Variants in MBOAT1 observed in about 807,000 individuals in gnomAD.
MBOAT1 encodes membrane bound glycerophospholipid O-acyltransferase 1.
MBOAT1 carries 67 observed loss-of-function variants against 64.4 expected under a neutral mutation model. The ratio of observed to expected loss-of-function variants is 1.04; its 90% CI spans 0.85 to 1.27. The LOEUF (loss-of-function observed/expected upper bound fraction) is 1.27. Ranked by LOEUF, MBOAT1 falls within the 50% of genes most tolerant of loss-of-function variation. The probability of loss-of-function intolerance (pLI) is 0.00; values close to 1 mark genes in which losing one functional copy is unlikely to be tolerated. For missense variants in MBOAT1, 563 were observed against 604.6 expected, an observed-to-expected ratio of 0.93 and a Z score of 0.72; for synonymous variants, 229 against 218.9, an observed-to-expected ratio of 1.05 and a Z score of -0.41.
intron 6 of MBOAT1, 129 bp downstream of exon 6, chr6:20,128,570 A>C (rs568173028): frequency 8.9e-5 from 57 of 641,152 alleles, no homozygotes; most frequent in Non-Finnish European, 1.3e-4. Flanking sequence ...GTCCATCAAT[A>C]GCAGATTCAT....
chr6:20,162,426 T>G (rs1158666618), intron 1 of MBOAT1, among the ~76,000 whole-genome samples: 1 of 152,236 alleles, frequency 6.6e-6, no homozygotes, highest in Non-Finnish European at 1.5e-5. Context: ...TCCCAGCTCC[T>G]GTGTGTGTCA....
intron 12 of MBOAT1, among the ~76,000 whole-genome samples, chr6:20,103,534 C>T (rs1393396200): frequency 1.3e-5 from 2 of 151,974 alleles, no homozygotes; most frequent in South Asian, 2.1e-4. Context: ...TGGGTTCAAA[C>T]GATTCTCCTG....
intron 11 of MBOAT1, 149 bp downstream of exon 11, chr6:20,112,727 T>A: frequency 1.2e-6 from 1 of 804,216 alleles, no homozygotes; most frequent in East Asian, 2.6e-5. Context: ...ATTTCTCTAA[T>A]GGGAAGACTC....
intron 4 of MBOAT1, among the ~76,000 whole-genome samples, chr6:20,139,688 G>A (rs960673284): frequency 3.3e-5 from 5 of 150,406 alleles, no homozygotes; most frequent in Admixed American, 6.7e-5. Context: ...TGAATAGCTG[G>A]GACTACAGGT....
At position 20,100,219 on chromosome 6, in the gene MBOAT1, C is replaced by G. The variant is rs1428996160; in HGVS notation, c.*2067G>C. Reference sequence around the variant, plus strand: ...ATTACATACAGTGAAACCTGATCATCAATCACATTGTAAATTCAAAGACTT... The same window carrying G: ...ATTACATACAGTGAAACCTGATCATGAATCACATTGTAAATTCAAAGACTT... On this transcript the variant is annotated 3_prime_UTR_variant, in exon 13 of 13. Coordinates refer to ENST00000324607, the MANE Select transcript of MBOAT1 (RefSeq NM_001080480.3). 2.0e-5 allele frequency among the ~76,000 whole-genome samples: 3 copies of G among 152,228 alleles called. No individual in the cohort carries two copies. The East Asian group carries it at 5.8e-4, about 29-fold the overall frequency.
chr6:20,190,167 G>GT (rs1328755116), intron 1 of MBOAT1, among the ~76,000 whole-genome samples: 1 of 151,800 alleles, frequency 6.6e-6, no homozygotes, highest in African/African-American at 2.4e-5. Context: ...GCTAATTTTT[G>GT]TATTTTTAGT....
chr6:20,207,239 C>T (rs1372250046), intron 1 of MBOAT1, among the ~76,000 whole-genome samples: 1 of 152,180 alleles, frequency 6.6e-6, no homozygotes, highest in African/African-American at 2.4e-5. Flanking sequence ...CCCTTGCTTC[C>T]TCCTCCATCC....
Position 20,101,606 on chromosome 6 carries a change from G to C in MBOAT1, c.*680C>G, listed in dbSNP as rs1759788192. On this transcript the variant is annotated 3_prime_UTR_variant, in exon 13 of 13. Transcript: ENST00000324607. ...CCTGTGACAAGTCTTCTCAGCACTC[G>C]CCTTCTAATTTTTGGAGCCGATGCC... is the stretch of plus-strand genomic sequence containing the variant. Among the ~76,000 whole-genome samples, 1 of 152,104 alleles carries C rather than the reference G, an allele frequency of 6.6e-6. No homozygotes were observed. The highest frequency in any genetic ancestry group is 2.4e-5 in the African/African-American group (1 of 41,410).
chr6:20,178,527 G>T (rs1026860574), intron 1 of MBOAT1, among the ~76,000 whole-genome samples: 1 of 152,148 alleles, frequency 6.6e-6, no homozygotes, highest in Non-Finnish European at 1.5e-5. Flanking sequence ...ACAGGATAAG[G>T]TTGCTATGGC....
At chr6:20,132,297 G>A (rs1369654967) in intron 4 of MBOAT1, among the ~76,000 whole-genome samples, 9 of 152,142 alleles carry the variant, frequency 5.9e-5, no homozygotes, top group Admixed American at 2.6e-4. Context: ...ACAGATACAC[G>A]GGCTCCTTCA....
At chr6:20,113,487 A>G (rs908649752) in intron 10 of MBOAT1, among the ~76,000 whole-genome samples, 3 of 152,214 alleles carry the variant, frequency 2.0e-5, no homozygotes, top group South Asian at 4.1e-4. Context: ...CTCCTGTGCC[A>G]TCTAACCTAA....
At chr6:20,115,193 C>T in intron 10 of MBOAT1, 95 bp downstream of exon 10, 1 of 872,502 alleles carries the variant, frequency 1.1e-6, no homozygotes, top group Non-Finnish European at 1.9e-6. Context: ...TGTCAGATGA[C>T]ATTGCCACAG....
At chr6:20,165,741 T>G (rs1333951988) in intron 1 of MBOAT1, among the ~76,000 whole-genome samples, 1 of 79,480 alleles carries the variant, frequency 1.3e-5, no homozygotes, top group Non-Finnish European at 2.7e-5. Context: ...AGACTCTGTT[T>G]CAAAAAAAAA....
intron 1 of MBOAT1, among the ~76,000 whole-genome samples, chr6:20,188,076 G>C (rs1164597178): frequency 1.3e-5 from 2 of 152,200 alleles, no homozygotes; most frequent in African/African-American, 4.8e-5. Flanking sequence ...TCATGTGTAA[G>C]AGGCAACCCT....
intron 1 of MBOAT1, among the ~76,000 whole-genome samples, chr6:20,169,119 C>T: frequency 6.6e-6 from 1 of 152,004 alleles, no homozygotes; most frequent in Non-Finnish European, 1.5e-5. Flanking sequence ...CACCCCATAG[C>T]CATATACGCT....
At chr6:20,201,847 G>A (rs1763132519) in intron 1 of MBOAT1, among the ~76,000 whole-genome samples, 1 of 151,902 alleles carries the variant, frequency 6.6e-6, no homozygotes, top group Non-Finnish European at 1.5e-5. Context: ...CTCTCCAAGT[G>A]CTAGGATTAC....
intron 1 of MBOAT1, among the ~76,000 whole-genome samples, chr6:20,178,132 A>G (rs1050291605): frequency 2.0e-5 from 3 of 152,200 alleles, no homozygotes; most frequent in African/African-American, 4.8e-5. Flanking sequence ...CCTTAGCCCT[A>G]TACAGTATAC....
At chr6:20,180,320 T>C (rs1197813194) in intron 1 of MBOAT1, among the ~76,000 whole-genome samples, 1 of 152,026 alleles carries the variant, frequency 6.6e-6, no homozygotes, top group Non-Finnish European at 1.5e-5. Flanking sequence ...CCCTGATAGC[T>C]CTTGATGTCC....
chr6:20,169,852 C>T (rs78543022), intron 1 of MBOAT1, among the ~76,000 whole-genome samples: 5,575 of 152,234 alleles, frequency 0.037, 109 homozygotes, highest in African/African-American at 0.046. Context: ...TCTAAAGTTA[C>T]ACTTCATTTT....
Sources: allele counts gnomAD v4.1 joint callset (sites outside exome capture counted in the v4.1 genomes callset), GRCh38; gene constraint gnomAD v4.1.1; transcripts MANE v1.5; gene names NCBI Gene and HGNC (gene_info 2026-07-23, HGNC 2026-07-21).